The following PREP variants were observed in gnomAD, a reference collection of about 807,000 sequenced individuals.
The protein encoded by PREP is prolyl endopeptidase, also known as dJ355L5.1 (prolyl endopeptidase).
In PREP, 29 loss-of-function variants were observed where a neutral mutation model predicts 87.6. The observed-to-expected ratio is 0.33, with a 90% CI of 0.25 to 0.45. The LOEUF is 0.45. PREP is among the 20% of genes least tolerant of loss of function. The pLI is 1.00. For synonymous variants in PREP, 337 were observed against 328.6 expected, an observed-to-expected ratio of 1.03 and a Z score of -0.28; for missense variants, 695 against 886.5, an observed-to-expected ratio of 0.78 and a Z score of 2.74.
Position 105,368,772 on chromosome 6 carries a change from A to G in PREP, c.717+131T>C, listed in dbSNP as rs906639498. On this transcript the variant is annotated intron_variant, in intron 6 of 14. Coordinates refer to ENST00000652536, the MANE Select transcript of PREP (RefSeq NM_002726.5). ...TTATTAAGAGTCAATCTGAATACCA[A>G]TATTTTTAACAAAAGAATATTCACT... 6 of 1,134,204 alleles carry G rather than the reference A, an allele frequency of 5.3e-6. No homozygotes were observed. In the African/African-American group the frequency reaches 7.7e-5, roughly 15 times the overall value. The allele number at this position is 1,134,204 out of a possible 1,614,324, so 70.3% of individuals were successfully genotyped here.
At chr6:105,352,354 T>C (rs916629238) in intron 7 of PREP, among the ~76,000 whole-genome samples, 31 of 152,114 alleles carry the variant, frequency 2.0e-4, no homozygotes, top group Non-Finnish European at 1.6e-4. Flanking sequence ...TCTCCAGAAT[T>C]TGTAACTGGC....
intron 7 of PREP, among the ~76,000 whole-genome samples, chr6:105,348,492 A>T (rs1040640974): frequency 6.6e-6 from 1 of 152,176 alleles, no homozygotes; most frequent in Non-Finnish European, 1.5e-5. Context: ...CAGCTCACGG[A>T]TCCTCACACA....
At chr6:105,356,033 T>C (rs1012332597) in intron 6 of PREP, among the ~76,000 whole-genome samples, 2 of 152,214 alleles carry the variant, frequency 1.3e-5, no homozygotes, top group African/African-American at 4.8e-5. Context: ...CTCTCTGTTA[T>C]TTCTGGATCT....
intron 6 of PREP, among the ~76,000 whole-genome samples, chr6:105,357,137 T>C (rs1047152896): frequency 1.3e-5 from 2 of 152,226 alleles, no homozygotes; most frequent in African/African-American, 4.8e-5. Context: ...CATCCTATAT[T>C]AAGATTATCC....
chr6:105,371,627 C>T (rs371028750), intron 5 of PREP, among the ~76,000 whole-genome samples: 30 of 150,320 alleles, frequency 2.0e-4, no homozygotes, highest in African/African-American at 4.7e-4. Context: ...ATTATGATGA[C>T]GTACCAAGCT....
rs763215483 is a variant in PREP at position 105,397,888 on chromosome 6, C to T, written c.85G>A (p.Ala29Thr). The stretch of plus-strand genomic sequence containing the variant: ...TCACTGTCGGGGTCTTCAAGCCAGG[C>T]GTAAGGGTCACAAATTTTATGACCA... ...YHGHKICDPY[A>T]WLEDPDSEQT... Residue 29 changes from alanine (A) to threonine (T), a missense_variant, in exon 2 of 15, where the codon GCC becomes ACC. Physicochemically the swap from Ala to Thr is moderately conservative, Grantham distance 58. Coordinates refer to ENST00000652536, the MANE Select transcript of PREP (RefSeq NM_002726.5). 7.4e-6 allele frequency: 12 copies of T among 1,612,646 alleles called. No individual in the cohort carries two copies. Among genetic ancestry groups the T allele is most frequent in the East Asian group, 4.5e-5 (2 of 44,880 alleles).
intron 14 of PREP, 181 bp downstream of exon 14, chr6:105,281,565 G>T: frequency 1.4e-6 from 1 of 696,218 alleles, no homozygotes; most frequent in Non-Finnish European, 2.2e-6. Context: ...GTAGTTTGTT[G>T]CTTTTGTTCA....
intron 2 of PREP, among the ~76,000 whole-genome samples, chr6:105,397,082 G>A (rs959219363): frequency 5.9e-5 from 9 of 151,700 alleles, no homozygotes; most frequent in Admixed American, 6.6e-5. Flanking sequence ...CTACTCGGGA[G>A]GCTGAGGTAC....
intron 8 of PREP, among the ~76,000 whole-genome samples, chr6:105,333,085 T>C (rs1016796675): frequency 5.9e-5 from 9 of 152,216 alleles, no homozygotes; most frequent in African/African-American, 2.2e-4. Flanking sequence ...TGAAATCCTA[T>C]CTTTACAATT....
chr6:105,347,158 G>A (rs1333579226), intron 7 of PREP, among the ~76,000 whole-genome samples: 1 of 152,120 alleles, frequency 6.6e-6, no homozygotes, highest in African/African-American at 2.4e-5. Flanking sequence ...AAGAACCAAA[G>A]AGAAAAGAAA....
At chr6:105,326,812 A>G (rs968061974) in intron 9 of PREP, among the ~76,000 whole-genome samples, 3 of 152,246 alleles carry the variant, frequency 2.0e-5, no homozygotes, top group African/African-American at 7.2e-5. Flanking sequence ...TGGAGGCAAA[A>G]CTAGTAAAAG....
intron 10 of PREP, among the ~76,000 whole-genome samples, chr6:105,294,253 C>T (rs1190048): frequency 0.16 from 24,036 of 152,226 alleles, 1,998 homozygotes; most frequent in African/African-American, 0.21. Flanking sequence ...AGCCCCCAAA[C>T]GTGCAGATTT....
chr6:105,377,381 C>T lies in PREP; in HGVS notation c.254+5G>A. ...AAAAAGGAAATTCAGTAAAAGCAGTCTCACCGTTTTCCTTTCTTGAAGTGG... is the reference window on the plus strand; with the variant it reads ...AAAAAGGAAATTCAGTAAAAGCAGTTTCACCGTTTTCCTTTCTTGAAGTGG... On this transcript the variant is annotated splice_donor_5th_base_variant and intron_variant, in intron 3 of 14. Coordinates refer to ENST00000652536, the MANE Select transcript of PREP (RefSeq NM_002726.5). 6.3e-7 allele frequency: 1 copy of T among 1,595,054 alleles called. No individual in the cohort carries two copies. The highest frequency in any genetic ancestry group is 8.5e-7 in the Non-Finnish European group (1 of 1,174,100).
At chr6:105,401,610 A>G (rs929833563) in intron 1 of PREP, among the ~76,000 whole-genome samples, 28 of 131,178 alleles carry the variant, frequency 2.1e-4, no homozygotes, top group Non-Finnish European at 2.1e-4. Context: ...TCCCATATTC[A>G]AAGGAAACAA....
intron 7 of PREP, among the ~76,000 whole-genome samples, chr6:105,349,336 C>T (rs1426319993): frequency 6.6e-6 from 1 of 152,198 alleles, no homozygotes; most frequent in Non-Finnish European, 1.5e-5. Context: ...CAGAAGTCCA[C>T]ACTTATTTGA....
rs116257891 is a variant in PREP at position 105,333,734 on chromosome 6, C to T, written c.824-229G>A. Among the ~76,000 whole-genome samples, 934 of 152,194 alleles carry T rather than the reference C, an allele frequency of 6.1e-3. 13 individuals are homozygous for T. Among genetic ancestry groups the T allele is most frequent in the South Asian group, 0.04 (195 of 4,818 alleles). On this transcript the variant is annotated intron_variant, in intron 7 of 14. Coordinates refer to ENST00000652536, the MANE Select transcript of PREP (RefSeq NM_002726.5). ...CGGGGGAATGAAGGACCTCTCTTCCCGGCCCATCACCCCCACAAGATCTGG... is the reference window on the plus strand; with the variant it reads ...CGGGGGAATGAAGGACCTCTCTTCCTGGCCCATCACCCCCACAAGATCTGG...
In PREP at chr6:105,327,347, G is replaced by C. The variant is rs1382616569; in HGVS notation, c.1213+1482C>G. On this transcript the variant is annotated intron_variant, in intron 9 of 14. Coordinates refer to ENST00000652536, the MANE Select transcript of PREP (RefSeq NM_002726.5). ...CAGGACACCCTGAAGTCGAATTCTC[G>C]AACGGTCACTTCCTGGCTTCTGGCC... Among the ~76,000 whole-genome samples, 5 of 152,142 alleles carry C rather than the reference G, an allele frequency of 3.3e-5. No homozygotes were observed. The South Asian group carries it at 6.2e-4, about 19-fold the overall frequency.
intron 6 of PREP, among the ~76,000 whole-genome samples, chr6:105,366,154 G>A (rs770946108): frequency 3.5e-4 from 54 of 152,290 alleles, no homozygotes; most frequent in African/African-American, 1.2e-3. Flanking sequence ...CTACTCAGGA[G>A]GGTGAGGCAG....
chr6:105,285,150 C>A (rs1770164016), intron 12 of PREP, among the ~76,000 whole-genome samples: 1 of 152,104 alleles, frequency 6.6e-6, no homozygotes, highest in African/African-American at 2.4e-5. Context: ...TAACAAGAGA[C>A]AGAATAAATA....
Sources: gnomAD v4.1 joint callset for allele counts (sites outside exome capture counted in the v4.1 genomes callset) on GRCh38, gnomAD v4.1.1 for gene constraint, MANE v1.5 for transcripts, NCBI Gene and HGNC (gene_info 2026-07-23, HGNC 2026-07-21) for gene names.